PCNX4: variants seen among roughly 807,000 people sequenced by gnomAD.
PCNX4 encodes pecanex-like protein 4.
In PCNX4, 103 loss-of-function variants were observed where a neutral mutation model predicts 107.2. The ratio of observed to expected loss-of-function variants is 0.96; its 90% CI spans 0.82 to 1.13. The LOEUF (loss-of-function observed/expected upper bound fraction) is 1.13, where lower values mean the gene tolerates loss of function less well. Among genes scored for constraint, PCNX4 ranks in the 50% most tolerant of loss-of-function variants. PCNX4 has a pLI of 0.00. For missense variants in PCNX4, 1,528 were observed against 1,379.4 expected, an observed-to-expected ratio of 1.11 and a Z score of -1.71; for synonymous variants, 541 against 481.7, an observed-to-expected ratio of 1.12 and a Z score of -1.61.
chr14:60,098,955 A>T (rs1180781084), intron 1 of PCNX4, among the ~76,000 whole-genome samples: 1 of 150,530 alleles, frequency 6.6e-6, no homozygotes, highest in African/African-American at 2.4e-5. Flanking sequence ...AAAAAAAAAA[A>T]AAGAAAGAAA....
chr14:60,128,104 C>T (rs1009277250), intron 10 of PCNX4, among the ~76,000 whole-genome samples: 8 of 152,114 alleles, frequency 5.3e-5, no homozygotes, highest in African/African-American at 1.9e-4. Context: ...AAACGTGGAA[C>T]ACCATTAACT....
At chr14:60,133,477 T>C (rs1896190694) in intron 10 of PCNX4, among the ~76,000 whole-genome samples, 10 of 152,180 alleles carry the variant, frequency 6.6e-5, no homozygotes, top group Admixed American at 6.5e-4. Flanking sequence ...ACAAGGATGC[T>C]TCTTGAGGTT....
Position 60,139,678 on chromosome 14 carries a change from A to C in PCNX4, c.*5457A>C, listed in dbSNP as rs1403199626. On this transcript the variant is annotated 3_prime_UTR_variant, in exon 11 of 11. Transcript: ENST00000406854. The stretch of plus-strand genomic sequence containing the variant: ...ATTTTCAAATGCAGATAGAATATTT[A>C]TCAAAACTGACCATATTCCAAGTCA... 6.6e-6 allele frequency: 1 copy of C among 152,176 alleles called. No individual in the cohort carries two copies. The highest frequency in any genetic ancestry group is 1.9e-4 in the East Asian group (1 of 5,200). The allele number at this position is 152,176 out of a possible 1,614,324, so 9.4% of individuals were successfully genotyped here. A position where few individuals can be genotyped will look rare whatever the true frequency, so the allele number is the denominator to read the frequency against.
chr14:60,121,406 A>C (rs1242524790), intron 8 of PCNX4, 107 bp downstream of exon 8: 11 of 1,197,098 alleles, frequency 9.2e-6, no homozygotes, highest in Non-Finnish European at 7.0e-6. Context: ...TATCTTTTCA[A>C]TTACCTGTGA....
In PCNX4 at chr14:60,136,269, A is replaced by G. The variant is rs1049774147; in HGVS notation, c.*2048A>G. On this transcript the variant is annotated 3_prime_UTR_variant, in exon 11 of 11. Coordinates refer to ENST00000406854, the MANE Select transcript of PCNX4 (RefSeq NM_001330177.2). ...TTTGTTTTCTTCTTATCTTCCTAGC[A>G]ACTCCTCAAACATCTTTGCTGCCTC... 6.6e-6 allele frequency: 1 copy of G among 152,118 alleles called. No individual in the cohort carries two copies. Among genetic ancestry groups the G allele is most frequent in the African/African-American group, 2.4e-5 (1 of 41,416 alleles). The allele number at this position is 152,118 out of a possible 1,614,324, so 9.4% of individuals were successfully genotyped here.
In PCNX4 at chr14:60,134,501, C is replaced by T. The variant is rs394373; in HGVS notation, c.*280C>T. 0.21 allele frequency: 71,629 copies of T among 339,570 alleles called. 11,282 individuals carry two copies. Among genetic ancestry groups the T allele is most frequent in the African/African-American group, 0.54 (25,307 of 47,208 alleles). The allele number at this position is 339,570 out of a possible 1,614,324, so 21.0% of individuals were successfully genotyped here. ...TGTGAGAAAACTTTTGTAGAATTAT[C>T]ATATAATGAATTTTGTAATGCTTTC... On this transcript the variant is annotated 3_prime_UTR_variant, in exon 11 of 11. Coordinates refer to ENST00000406854, the MANE Select transcript of PCNX4 (RefSeq NM_001330177.2).
chr14:60,118,232 C>T (rs1426803145), intron 6 of PCNX4, 97 bp from the exon 7 acceptor site: 1 of 1,304,018 alleles, frequency 7.7e-7, no homozygotes, highest in East Asian at 2.8e-5. Flanking sequence ...AATACTGGGG[C>T]AATAATAAAA....
In PCNX4 at chr14:60,135,912, G is replaced by A. The variant is rs561363163; in HGVS notation, c.*1691G>A. 1 of 152,172 alleles carries A rather than the reference G, an allele frequency of 6.6e-6. No homozygotes were observed. Among genetic ancestry groups the A allele is most frequent in the South Asian group, 2.1e-4 (1 of 4,814 alleles). The allele number at this position is 152,172 out of a possible 1,614,324, so 9.4% of individuals were successfully genotyped here. ...GATAGATATTATTTATTGGACTACT[G>A]TCCCCCAAATAATGTGAATTTTAAG... is the stretch of plus-strand genomic sequence containing the variant. On this transcript the variant is annotated 3_prime_UTR_variant, in exon 11 of 11. Coordinates refer to ENST00000406854, the MANE Select transcript of PCNX4 (RefSeq NM_001330177.2).
At chr14:60,118,025 A>G (rs1339094316) in intron 6 of PCNX4, among the ~76,000 whole-genome samples, 2 of 150,914 alleles carry the variant, frequency 1.3e-5, no homozygotes, top group South Asian at 4.2e-4. Context: ...CTTTCTAGGA[A>G]CTTGTCAATT....
In PCNX4 at chr14:60,135,972, A is replaced by C. The variant is rs1249111021; in HGVS notation, c.*1751A>C. The stretch of plus-strand genomic sequence containing the variant: ...GATTTTCACTGTGATAATAATGTCA[A>C]GCTATGCCTTCGCTTAACCTTGCAT... On this transcript the variant is annotated 3_prime_UTR_variant, in exon 11 of 11. Transcript: ENST00000406854. 1 of 152,214 alleles carries C rather than the reference A, an allele frequency of 6.6e-6. No individual in the cohort carries two copies. The highest frequency in any genetic ancestry group is 2.1e-4 in the South Asian group (1 of 4,830). The allele number at this position is 152,214 out of a possible 1,614,324, so 9.4% of individuals were successfully genotyped here.
Position 60,107,671 on chromosome 14 carries a change from C to T in PCNX4, c.33C>T (p.Tyr11=). ...CAGATGTGCCTCTACTGAATGATTA[C>T]AAGCAGGACTTCTTTCTGAAGCGCT... The part of the protein sequence containing the change: MSPDVPLLND[Y]KQDFFLKRFP... Residue 11 remains tyrosine, a synonymous_variant, in exon 2 of 11, where the codon TAC becomes TAT. Transcript: ENST00000406854. 2 of 1,612,666 alleles carry T rather than the reference C, an allele frequency of 1.2e-6. No individual in the cohort carries two copies. The highest frequency in any genetic ancestry group is 1.7e-6 in the Non-Finnish European group (2 of 1,179,788).
rs903904052 is a variant in PCNX4 at position 60,143,668 on chromosome 14, T to A, written c.*9447T>A. The A allele has an allele frequency of 6.6e-6, 1 of 152,268 alleles. No homozygotes were observed. The highest frequency in any genetic ancestry group is 1.5e-5 in the Non-Finnish European group (1 of 68,046). 9.4% of individuals were successfully genotyped at this position (152,268 alleles called of 1,614,324 possible). A position where few individuals can be genotyped will look rare whatever the true frequency, so the allele number is the denominator to read the frequency against. ...CATTTATTCCATTGCTTCTACCCGC[T>A]ATACCTCATCGTGTACCTCTACCAC... On this transcript the variant is annotated 3_prime_UTR_variant, in exon 11 of 11. Coordinates refer to ENST00000406854, the MANE Select transcript of PCNX4 (RefSeq NM_001330177.2).
rs1896269223 is a variant in PCNX4 at position 60,138,636 on chromosome 14, A to G, written c.*4415A>G. 6.6e-6 allele frequency: 1 copy of G among 152,152 alleles called. No homozygotes were observed. The highest frequency in any genetic ancestry group is 6.6e-5 in the Admixed American group (1 of 15,266). 9.4% of individuals were successfully genotyped at this position (152,152 alleles called of 1,614,324 possible). A position where few individuals can be genotyped will look rare whatever the true frequency, so the allele number is the denominator to read the frequency against. Reference sequence around the variant, plus strand: ...AGAATTCAATACCCAGCCTTTCCCCAAAAACAATTCTTAAGAATGAAGGCA... The same window carrying G: ...AGAATTCAATACCCAGCCTTTCCCCGAAAACAATTCTTAAGAATGAAGGCA... On this transcript the variant is annotated 3_prime_UTR_variant, in exon 11 of 11. Transcript: ENST00000406854.
intron 10 of PCNX4, among the ~76,000 whole-genome samples, chr14:60,132,763 A>G (rs939451628): frequency 2.0e-5 from 3 of 152,168 alleles, no homozygotes; most frequent in Admixed American, 6.5e-5. Flanking sequence ...TAATAAAAAG[A>G]TAAATAGATT....
rs1035265325 is a variant in PCNX4, at chr14:60,141,877, G to C, written c.*7656G>C. On this transcript the variant is annotated 3_prime_UTR_variant, in exon 11 of 11. Coordinates refer to ENST00000406854, the MANE Select transcript of PCNX4 (RefSeq NM_001330177.2). ...GTGGACATAAGCTTTCATTTCTCTT[G>C]GGCAAATACCTAGGACTGGGATGGC... 4 of 152,044 alleles carry C rather than the reference G, an allele frequency of 2.6e-5. No individual in the cohort carries two copies. The highest frequency in any genetic ancestry group is 5.9e-5 in the Non-Finnish European group (4 of 68,014). The allele number at this position is 152,044 out of a possible 1,614,324, so 9.4% of individuals were successfully genotyped here.
At chr14:60,115,535 C>G in intron 4 of PCNX4, 74 bp downstream of exon 4, 2 of 1,457,734 alleles carry the variant, frequency 1.4e-6, no homozygotes, top group Admixed American at 4.6e-5. Context: ...TACTCAATTC[C>G]CATATTTGTG....
chr14:60,133,866 G>A (rs1896198774), intron 10 of PCNX4, 104 bp from the exon 11 acceptor site: 1 of 1,154,956 alleles, frequency 8.7e-7, no homozygotes, highest in Non-Finnish European at 1.2e-6. Flanking sequence ...GGAAAAGTTT[G>A]CCTAATTACA....
chr14:60,122,454 G>T (rs308993), intron 8 of PCNX4, among the ~76,000 whole-genome samples: 38,038 of 151,542 alleles, frequency 0.25, 6,857 homozygotes, highest in African/African-American at 0.5. Flanking sequence ...CACTCTACTT[G>T]CATATAATCA....
At chr14:60,122,063 T>C (rs1303102075) in intron 8 of PCNX4, among the ~76,000 whole-genome samples, 1 of 152,148 alleles carries the variant, frequency 6.6e-6, no homozygotes, top group East Asian at 1.9e-4. Flanking sequence ...GTTTAACTCC[T>C]TTTTCACTTG....
Sources: gnomAD v4.1 joint callset for allele counts (sites outside exome capture counted in the v4.1 genomes callset) on GRCh38, gnomAD v4.1.1 for gene constraint, MANE v1.5 for transcripts, NCBI Gene and HGNC (gene_info 2026-07-23, HGNC 2026-07-21) for gene names.